The following USH2A variants were observed in gnomAD, a reference collection of about 807,000 sequenced individuals.
The protein encoded by USH2A is usherin.
Under a neutral mutation model 538.9 loss-of-function variants are expected in USH2A, and 443 were observed. That is an observed-to-expected ratio of 0.82 (90% CI 0.76 to 0.89). The LOEUF (loss-of-function observed/expected upper bound fraction) is 0.89. Ranked by LOEUF, USH2A falls within the 40% of genes least tolerant of loss-of-function variation. The pLI is 0.00. For missense variants in USH2A, 6,633 were observed against 6,324.8 expected (o/e 1.05, Z -1.65); for synonymous variants, 2,413 against 2,273.5 (o/e 1.06, Z -1.75).
intron 44 of USH2A, among the ~76,000 whole-genome samples, chr1:215,861,443 A>G (rs1213515438): frequency 1.3e-5 from 2 of 152,216 alleles, no homozygotes; most frequent in African/African-American, 4.8e-5. Flanking sequence ...GTTAATTTGT[A>G]TCTCATGTAA....
intron 61 of USH2A, among the ~76,000 whole-genome samples, chr1:215,701,553 AT>A (rs1659016334): frequency 6.6e-6 from 1 of 152,114 alleles, no homozygotes; most frequent in African/African-American, 2.4e-5. Context: ...TGTTCCATTG[AT>A]CCCTTTACCA....
Position 216,198,335 on chromosome 1 carries a change from G to A in USH2A, c.4061C>T (p.Ser1354Leu), listed in dbSNP as rs775637851. The A allele has an allele frequency of 6.2e-7, 1 of 1,613,970 alleles. No homozygotes were observed. Among genetic ancestry groups the A allele is most frequent in the Non-Finnish European group, 8.5e-7 (1 of 1,179,944 alleles). ...MAGSVSSAWV[S>L]ERTGESAPVF... is the part of the protein sequence containing the mutation. ...TTTACCTGATTCTCCCGTTCTTTCT[G>A]AGACCCAGGCAGAAGACACACTTCC... The change falls in exon 18 of 72, where the codon TCA becomes TTA. Residue 1354 changes from serine to leucine, a missense_variant. Transcript: ENST00000307340.
chr1:215,887,225 A>G (rs775934838), intron 41 of USH2A, among the ~76,000 whole-genome samples: 35 of 152,166 alleles, frequency 2.3e-4, no homozygotes, highest in Non-Finnish European at 2.9e-4. Flanking sequence ...TTTATTCGAA[A>G]TAATCCAGAA....
chr1:216,144,412 C>G (rs1012481474), intron 21 of USH2A, among the ~76,000 whole-genome samples: 1 of 151,314 alleles, frequency 6.6e-6, no homozygotes, highest in African/African-American at 2.4e-5. Flanking sequence ...TATACAGAAC[C>G]AAGTTAAACA....
At chr1:216,011,902 G>C (rs553058291) in intron 32 of USH2A, among the ~76,000 whole-genome samples, 1 of 149,120 alleles carries the variant, frequency 6.7e-6, no homozygotes, top group African/African-American at 2.5e-5. Flanking sequence ...GTATCTCTCT[G>C]ATCCACCTGA....
In USH2A at chr1:215,680,315, A is replaced by C. The variant is rs376528829; in HGVS notation, c.12128T>G (p.Val4043Gly). 2.4e-5 allele frequency: 39 copies of C among 1,614,050 alleles called. No homozygotes were observed. The highest frequency in any genetic ancestry group is 3.1e-5 in the Non-Finnish European group (36 of 1,179,984). ...LEPFTTYRIG[V>G]VAANHAGEIL... is the part of the protein sequence containing the mutation. The stretch of plus-strand genomic sequence containing the variant: ...TTCTCCTGCATGGTTTGCAGCCACA[A>C]CACCAATGCGATATGTTGTGAATGG... Residue 4043 changes from valine to glycine, a missense_variant, in exon 62 of 72, where the codon GTT becomes GGT. Val to Gly is a moderately radical substitution (Grantham distance 109). Coordinates refer to ENST00000307340, the MANE Select transcript of USH2A (RefSeq NM_206933.4).
At chr1:215,931,001 C>A (rs1281552197) in intron 38 of USH2A, among the ~76,000 whole-genome samples, 2 of 151,694 alleles carry the variant, frequency 1.3e-5, no homozygotes, top group East Asian at 3.9e-4. Flanking sequence ...TACAAACAAC[C>A]TAAAAATATA....
Position 215,923,577 on chromosome 1 carries a change from C to A in USH2A, c.7300+11039G>T, listed in dbSNP as rs569607390. On this transcript the variant is annotated intron_variant, in intron 38 of 71. Coordinates refer to ENST00000307340, the MANE Select transcript of USH2A (RefSeq NM_206933.4). Reference sequence around the variant, plus strand: ...TGTGGTTAGGAGAATACAGTGTCCTCATTGGTCAGACCTGGTGATGCAGTC... The same window carrying A: ...TGTGGTTAGGAGAATACAGTGTCCTAATTGGTCAGACCTGGTGATGCAGTC... 8.3e-4 allele frequency among the ~76,000 whole-genome samples: 127 copies of A among 152,208 alleles called. 1 individual carries two copies. The highest frequency in any genetic ancestry group is 2.8e-3 in the African/African-American group (116 of 41,554).
chr1:216,195,943 T>C (rs1327120773), intron 19 of USH2A: 1 of 168,916 alleles, frequency 5.9e-6, no homozygotes, highest in Non-Finnish European at 1.4e-5. Context: ...TCAGATGAAT[T>C]AGTTCACGTA....
intron 44 of USH2A, among the ~76,000 whole-genome samples, chr1:215,846,480 T>C (rs1282422528): frequency 1.3e-5 from 2 of 152,094 alleles, no homozygotes; most frequent in East Asian, 3.9e-4. Flanking sequence ...TCCCAGACTG[T>C]TGGGATTAGA....
At chr1:216,369,730 G>A (rs1558057747) in intron 3 of USH2A, among the ~76,000 whole-genome samples, 1 of 151,780 alleles carries the variant, frequency 6.6e-6, no homozygotes, top group Non-Finnish European at 1.5e-5. Context: ...GGCCAACATA[G>A]TGAAACCCCG....
chr1:216,289,748 A>T (rs1239665028), intron 10 of USH2A, among the ~76,000 whole-genome samples: 1 of 152,180 alleles, frequency 6.6e-6, no homozygotes, highest in Non-Finnish European at 1.5e-5. Context: ...AACTCAATAC[A>T]GCAGGAGAAA....
chr1:216,390,017 A>C (rs559918790), intron 3 of USH2A, among the ~76,000 whole-genome samples: 35 of 152,192 alleles, frequency 2.3e-4, no homozygotes, highest in African/African-American at 7.7e-4. Context: ...CAGTTTTAAA[A>C]GACAGTAAGA....
chr1:215,835,687 CTCTTTACA>C (rs1179249799), intron 47 of USH2A, among the ~76,000 whole-genome samples: 1 of 152,144 alleles, frequency 6.6e-6, no homozygotes, highest in Non-Finnish European at 1.5e-5. Context: ...CTCTCTCCTC[CTCTTTACA>C]TCCTTAAAAC....
At chr1:215,871,956 G>T (rs1397754925) in intron 43 of USH2A, among the ~76,000 whole-genome samples, 1 of 152,178 alleles carries the variant, frequency 6.6e-6, no homozygotes, top group African/African-American at 2.4e-5. Context: ...GGCAGCTGCA[G>T]AATGCCTGGG....
intron 44 of USH2A, among the ~76,000 whole-genome samples, chr1:215,861,380 G>A (rs566122575): frequency 1.2e-4 from 18 of 152,312 alleles, no homozygotes; most frequent in African/African-American, 4.1e-4. Flanking sequence ...GTTAGTTAGC[G>A]AAGCTGGTGA....
At chr1:215,722,708 T>C (rs530647368) in intron 61 of USH2A, among the ~76,000 whole-genome samples, 133 of 152,298 alleles carry the variant, frequency 8.7e-4, no homozygotes, top group Admixed American at 2.4e-3. Flanking sequence ...CCCATATAAT[T>C]TGCTTATTTC....
chr1:215,679,542 G>T (rs1168365813), intron 62 of USH2A, among the ~76,000 whole-genome samples: 1 of 152,162 alleles, frequency 6.6e-6, no homozygotes, highest in African/African-American at 2.4e-5. Flanking sequence ...GTGGCTGAAG[G>T]TTCAAAACAT....
At chr1:215,924,854 G>A (rs1666196604) in intron 38 of USH2A, among the ~76,000 whole-genome samples, 1 of 151,972 alleles carries the variant, frequency 6.6e-6, no homozygotes, top group South Asian at 2.1e-4. Flanking sequence ...GTGGGCGTGT[G>A]TATTTCTATA....
Sources: gnomAD v4.1 joint callset for allele counts (sites outside exome capture counted in the v4.1 genomes callset) on GRCh38, gnomAD v4.1.1 for gene constraint, MANE v1.5 for transcripts, NCBI Gene and HGNC (gene_info 2026-07-23, HGNC 2026-07-21) for gene names.